CD99L2: variants seen among roughly 807,000 people sequenced by gnomAD.
CD99L2 encodes the protein CD99 molecule like 2, also known as CD99 antigen-like protein 2.
Under a neutral mutation model 27.3 loss-of-function variants are expected in CD99L2, and 24 were observed. That is an observed-to-expected ratio of 0.88 (90% CI 0.64 to 1.24). CD99L2 has a LOEUF of 1.24. Among genes scored for constraint, CD99L2 ranks in the 50% most tolerant of loss-of-function variants. The pLI, the probability that CD99L2 is intolerant of heterozygous loss-of-function variation, is 0.00. For synonymous variants in CD99L2, 97 were observed against 87.9 expected (o/e 1.10, Z -0.58); for missense variants, 255 against 221.6 (o/e 1.15, Z -0.96).
At chrX:150,810,898 C>T (rs1030441316) in intron 4 of CD99L2, among the ~76,000 whole-genome samples, 1 of 111,649 alleles carries the variant, frequency 9.0e-6, no homozygotes, top group Non-Finnish European at 1.9e-5. Context: ...TTGAAGCTGA[C>T]TCAAGAAGAA....
chrX:150,769,663 C>G (rs782252636), intron 10 of CD99L2, among the ~76,000 whole-genome samples: 40 of 107,789 alleles, frequency 3.7e-4, no homozygotes, highest in African/African-American at 1.4e-3. Flanking sequence ...CCTGAGCTGT[C>G]CTAGTCTCCC....
At chrX:150,867,505 T>C (rs1485662631) in intron 1 of CD99L2, among the ~76,000 whole-genome samples, 1 of 112,101 alleles carries the variant, frequency 8.9e-6, no homozygotes, top group Non-Finnish European at 1.9e-5. Context: ...GGCTCACGCC[T>C]GTAATCCCAG....
intron 1 of CD99L2, among the ~76,000 whole-genome samples, chrX:150,882,730 A>C (rs2047350207): frequency 8.9e-6 from 1 of 112,033 alleles, no homozygotes; most frequent in Admixed American, 9.5e-5. Flanking sequence ...TACATAAGAT[A>C]CTCTCACAAT....
chrX:150,873,723 G>A (rs1557422248), intron 1 of CD99L2, among the ~76,000 whole-genome samples: 1 of 111,372 alleles, frequency 9.0e-6, no homozygotes, highest in African/African-American at 3.3e-5. Context: ...ATAACAGGAA[G>A]GGAGAAGAGG....
At chrX:150,770,724 G>A (rs1557419022) in intron 9 of CD99L2, among the ~76,000 whole-genome samples, 1 of 113,096 alleles carries the variant, frequency 8.8e-6, no homozygotes, top group Non-Finnish European at 1.9e-5. Flanking sequence ...AGGTCCGTGT[G>A]CGTGTGCGGC....
intron 1 of CD99L2, among the ~76,000 whole-genome samples, chrX:150,870,349 C>T (rs2047137665): frequency 8.9e-6 from 1 of 111,783 alleles, no homozygotes; most frequent in Non-Finnish European, 1.9e-5. Flanking sequence ...ACAGAGTGCA[C>T]AGATTTTAAG....
intron 1 of CD99L2, among the ~76,000 whole-genome samples, chrX:150,859,558 C>T (rs1166656872): frequency 1.9e-5 from 2 of 106,815 alleles, no homozygotes; most frequent in African/African-American, 6.8e-5. Flanking sequence ...AATGCAGTGA[C>T]GTGATCTCAG....
At chrX:150,848,717 G>C (rs1206868387) in intron 1 of CD99L2, among the ~76,000 whole-genome samples, 1 of 111,147 alleles carries the variant, frequency 9.0e-6, no homozygotes, top group Admixed American at 9.5e-5. Flanking sequence ...GTATAATAGA[G>C]GTTCTCAGCC....
chrX:150,823,912 G>A (rs1275375148), intron 2 of CD99L2, among the ~76,000 whole-genome samples: 1 of 110,057 alleles, frequency 9.1e-6, no homozygotes, highest in Non-Finnish European at 1.9e-5. Context: ...GGCTGAGGTG[G>A]GAGGACCACT....
intron 1 of CD99L2, among the ~76,000 whole-genome samples, chrX:150,833,619 TG>T (rs782581985): frequency 8.9e-6 from 1 of 111,785 alleles, no homozygotes; most frequent in East Asian, 2.8e-4. Flanking sequence ...CATGAACTAA[TG>T]GAACAGGATA....
intron 1 of CD99L2, among the ~76,000 whole-genome samples, chrX:150,881,479 C>G (rs1165600606): frequency 8.9e-6 from 1 of 112,475 alleles, no homozygotes; most frequent in African/African-American, 3.2e-5. Flanking sequence ...AAAGAGAACC[C>G]ACTCTCCCAA....
chrX:150,868,651 C>A (rs1358669078), intron 1 of CD99L2, among the ~76,000 whole-genome samples: 1 of 112,370 alleles, frequency 8.9e-6, no homozygotes, highest in African/African-American at 3.2e-5. Context: ...CTGCCCCCTT[C>A]CCCCTAGCCT....
At chrX:150,790,689 G>A (rs1056393689) in intron 7 of CD99L2, among the ~76,000 whole-genome samples, 1 of 111,807 alleles carries the variant, frequency 8.9e-6, no homozygotes, top group East Asian at 2.8e-4. Context: ...GGAGCTAGGT[G>A]TCTCACTGTC....
At chrX:150,812,793 A>G (rs2046091806) in intron 4 of CD99L2, among the ~76,000 whole-genome samples, 1 of 112,257 alleles carries the variant, frequency 8.9e-6, no homozygotes, top group Non-Finnish European at 1.9e-5. Flanking sequence ...ACTGGGGTCA[A>G]TACATCAAGT....
At chrX:150,866,299 A>G (rs1294722743) in intron 1 of CD99L2, among the ~76,000 whole-genome samples, 2 of 111,559 alleles carry the variant, frequency 1.8e-5, no homozygotes, top group African/African-American at 3.3e-5. Flanking sequence ...AAAAAAAAAC[A>G]CACCAGGAAA....
intron 1 of CD99L2, among the ~76,000 whole-genome samples, chrX:150,839,210 C>A (rs1431166874): frequency 8.9e-6 from 1 of 111,786 alleles, no homozygotes; most frequent in Non-Finnish European, 1.9e-5. Flanking sequence ...AACCTAGCTT[C>A]CAAAATTCTA....
At chrX:150,840,073 T>C (rs782718270) in intron 1 of CD99L2, among the ~76,000 whole-genome samples, 13 of 109,215 alleles carry the variant, frequency 1.2e-4, no homozygotes, top group Non-Finnish European at 2.3e-4. Context: ...TGGAGGCACA[T>C]GCTTGTACGC....
At chrX:150,814,974 T>C (rs782443250) in intron 3 of CD99L2, 38 bp from the exon 4 acceptor site, 14 of 1,198,491 alleles carry the variant, frequency 1.2e-5, no homozygotes, top group African/African-American at 1.8e-5. Context: ...AACAGCCAAC[T>C]GATTAACAAC....
intron 1 of CD99L2, among the ~76,000 whole-genome samples, chrX:150,844,436 C>T (rs782689524): frequency 8.9e-6 from 1 of 111,920 alleles, no homozygotes; most frequent in African/African-American, 3.2e-5. Flanking sequence ...AAGTAGGTAT[C>T]CCTCTCCCAC....
Sources: gnomAD v4.1 joint callset for allele counts (sites outside exome capture counted in the v4.1 genomes callset) on GRCh38, gnomAD v4.1.1 for gene constraint, MANE v1.5 for transcripts, NCBI Gene and HGNC (gene_info 2026-07-23, HGNC 2026-07-21) for gene names.